The following ELAVL2 variants were observed in gnomAD, a reference collection of about 807,000 sequenced individuals.
ELAVL2 encodes the protein ELAV-like protein 2.
Under a neutral mutation model 34.6 loss-of-function variants are expected in ELAVL2, and 4 were observed. The observed-to-expected ratio is 0.12, with a 90% CI of 0.06 to 0.26. The LOEUF (loss-of-function observed/expected upper bound fraction) is 0.26, where lower values mean the gene tolerates loss of function less well. Among genes scored for constraint, ELAVL2 ranks in the 10% least tolerant of loss-of-function variants. ELAVL2 has a pLI of 1.00. For synonymous variants in ELAVL2, 193 were observed against 154.8 expected, an observed-to-expected ratio of 1.25 and a Z score of -1.83; for missense variants, 432 against 442.8, an observed-to-expected ratio of 0.98 and a Z score of 0.22.
rs2033199310 is a variant in ELAVL2 at position 23,691,612 on chromosome 9, T to A, written c.*945A>T. ...TTTGTTTCAAAATCACAAATCAATGTGAGCCACCTATCACATAATAACCAG... is the reference window on the plus strand; with the variant it reads ...TTTGTTTCAAAATCACAAATCAATGAGAGCCACCTATCACATAATAACCAG... On this transcript the variant is annotated 3_prime_UTR_variant, in exon 7 of 7. Coordinates refer to ENST00000397312, the MANE Select transcript of ELAVL2 (RefSeq NM_004432.5). 1 of 152,578 alleles carries A rather than the reference T, an allele frequency of 6.6e-6. No individual in the cohort carries two copies. Among genetic ancestry groups the A allele is most frequent in the Non-Finnish European group, 1.5e-5 (1 of 68,006 alleles). 9.5% of individuals were successfully genotyped at this position (152,578 alleles called of 1,614,324 possible).
intron 1 of ELAVL2, 122 bp from the exon 2 acceptor site, chr9:23,762,371 T>C: frequency 7.6e-7 from 1 of 1,309,386 alleles, no homozygotes; most frequent in South Asian, 1.4e-5. Flanking sequence ...ACAACAATGC[T>C]TCAACAAAAA....
chr9:23,699,909 A>G (rs80099284), intron 5 of ELAVL2, among the ~76,000 whole-genome samples: 4,335 of 141,612 alleles, frequency 0.031, 92 homozygotes, highest in East Asian at 0.087. Context: ...AATGCTTTTG[A>G]CAGTACCACC....
At chr9:23,797,792 G>A (rs377417089) in intron 1 of ELAVL2, among the ~76,000 whole-genome samples, 1 of 152,210 alleles carries the variant, frequency 6.6e-6, no homozygotes, top group Non-Finnish European at 1.5e-5. Context: ...GGTGGGCGTG[G>A]TGGCGCATGC....
At chr9:23,819,039 G>C (rs190137641) in intron 1 of ELAVL2, among the ~76,000 whole-genome samples, 3 of 152,346 alleles carry the variant, frequency 2.0e-5, no homozygotes, top group Admixed American at 2.0e-4. Context: ...TGTCCTTAAA[G>C]AGAACCTAAG....
chr9:23,822,885 A>G (rs2065012256), intron 1 of ELAVL2, among the ~76,000 whole-genome samples: 1 of 152,166 alleles, frequency 6.6e-6, no homozygotes, highest in African/African-American at 2.4e-5. Flanking sequence ...AAGGTCCGCT[A>G]AGGGCGTCCA....
intron 3 of ELAVL2, among the ~76,000 whole-genome samples, chr9:23,723,118 T>G (rs2044161471): frequency 6.6e-6 from 1 of 152,170 alleles, no homozygotes; most frequent in Non-Finnish European, 1.5e-5. Flanking sequence ...CATTGTAGAT[T>G]CTGGTATGTT....
intron 5 of ELAVL2, among the ~76,000 whole-genome samples, chr9:23,694,589 G>C (rs1016867107): frequency 1.3e-5 from 2 of 152,212 alleles, no homozygotes; most frequent in Non-Finnish European, 2.9e-5. Context: ...TGAAAGGTAA[G>C]TTTGAAAAGT....
At chr9:23,746,021 G>A (rs528970223) in intron 2 of ELAVL2, among the ~76,000 whole-genome samples, 1 of 152,014 alleles carries the variant, frequency 6.6e-6, no homozygotes, top group Non-Finnish European at 1.5e-5. Flanking sequence ...AGTCACAAGA[G>A]ATGACTTGGA....
At chr9:23,805,599 A>G (rs2062108890) in intron 1 of ELAVL2, among the ~76,000 whole-genome samples, 1 of 152,228 alleles carries the variant, frequency 6.6e-6, no homozygotes, top group Non-Finnish European at 1.5e-5. Context: ...CACGAGCATG[A>G]GCTTGGCATA....
chr9:23,789,940 G>A (rs16907746), intron 1 of ELAVL2, among the ~76,000 whole-genome samples: 2 of 151,960 alleles, frequency 1.3e-5, no homozygotes, highest in African/African-American at 4.8e-5. Flanking sequence ...TCAGAGGTAA[G>A]GTAAGGGGTA....
intron 2 of ELAVL2, among the ~76,000 whole-genome samples, chr9:23,746,433 A>G (rs2050497801): frequency 6.6e-6 from 1 of 152,182 alleles, no homozygotes; most frequent in Non-Finnish European, 1.5e-5. Flanking sequence ...ACACTGGAAG[A>G]GTCACAGAGC....
chr9:23,697,790 G>A (rs1426109108), intron 5 of ELAVL2, among the ~76,000 whole-genome samples: 1 of 152,112 alleles, frequency 6.6e-6, no homozygotes, highest in African/African-American at 2.4e-5. Flanking sequence ...ATGTGAACCC[G>A]ATTAAAGTCA....
intron 1 of ELAVL2, among the ~76,000 whole-genome samples, chr9:23,801,346 C>A (rs549853200): frequency 1.3e-5 from 2 of 152,032 alleles, no homozygotes; most frequent in Non-Finnish European, 2.9e-5. Context: ...CAAGGGATTT[C>A]AAAATGAAAA....
At chr9:23,788,740 G>GT (rs1243559276) in intron 1 of ELAVL2, among the ~76,000 whole-genome samples, 2 of 152,138 alleles carry the variant, frequency 1.3e-5, no homozygotes, top group African/African-American at 4.8e-5. Flanking sequence ...AGGGCTACTT[G>GT]AACACGAGCA....
In ELAVL2 at chr9:23,754,723, A is replaced by C. The variant is rs561841070; in HGVS notation, c.229+7283T>G. ...GGTGATTCGCCTGCATTGGCCTTCC[A>C]AAGTGCTGAGAATACAGGCATGAAT... On this transcript the variant is annotated intron_variant, in intron 2 of 6. Coordinates refer to ENST00000397312, the MANE Select transcript of ELAVL2 (RefSeq NM_004432.5). Among the ~76,000 whole-genome samples the C allele has an allele frequency of 8.5e-5, 13 of 152,276 alleles. No individual in the cohort carries two copies. The South Asian group carries it at 2.5e-3, about 29-fold the overall frequency.
rs1353562036 is a variant in ELAVL2 at position 23,785,149 on chromosome 9, T to C, written c.-15-22900A>G. On this transcript the variant is annotated intron_variant, in intron 1 of 6. Coordinates refer to ENST00000397312, the MANE Select transcript of ELAVL2 (RefSeq NM_004432.5). ...CAATGTACAGTTTTACTTCTTATTGTACTTCCCTGAGAAGTACATATATCA... is the reference window on the plus strand; with the variant it reads ...CAATGTACAGTTTTACTTCTTATTGCACTTCCCTGAGAAGTACATATATCA... 3.3e-5 allele frequency among the ~76,000 whole-genome samples: 5 copies of C among 152,298 alleles called. No homozygotes were observed. In the South Asian group the frequency reaches 1.0e-3, roughly 32 times the overall value.
At chr9:23,798,453 T>A (rs2061220879) in intron 1 of ELAVL2, among the ~76,000 whole-genome samples, 1 of 152,060 alleles carries the variant, frequency 6.6e-6, no homozygotes, top group Admixed American at 6.6e-5. Flanking sequence ...GGTGGGGAGA[T>A]AATTATACCA....
chr9:23,767,221 T>G (rs2056457078), intron 1 of ELAVL2, among the ~76,000 whole-genome samples: 1 of 152,198 alleles, frequency 6.6e-6, no homozygotes, highest in Admixed American at 6.5e-5. Context: ...TCTAAACTTT[T>G]TATTTAAATA....
Position 23,797,873 on chromosome 9 carries a change from A to G in ELAVL2, c.-16+27933T>C, listed in dbSNP as rs190789283. 6.4e-4 allele frequency among the ~76,000 whole-genome samples: 97 copies of G among 152,354 alleles called. 1 individual carries two copies. The highest frequency in any genetic ancestry group is 2.2e-3 in the African/African-American group (93 of 41,580). On this transcript the variant is annotated intron_variant, in intron 1 of 6. Transcript: ENST00000397312. ...AACCTGGGAAGCGGAGGTTGCGGTA[A>G]GCTGAAATCACGCCATTGCACTCCA...
Sources: gnomAD v4.1 joint callset for allele counts (sites outside exome capture counted in the v4.1 genomes callset) on GRCh38, gnomAD v4.1.1 for gene constraint, MANE v1.5 for transcripts, NCBI Gene and HGNC (gene_info 2026-07-23, HGNC 2026-07-21) for gene names.